PHF24: variants seen among roughly 807,000 people sequenced by gnomAD.
The protein encoded by PHF24 is PHD finger protein 24.
Under a neutral mutation model 42.6 loss-of-function variants are expected in PHF24, and 25 were observed. The observed-to-expected ratio is 0.59, with a 90% CI of 0.43 to 0.82. PHF24 has a LOEUF of 0.82. PHF24 is among the 40% of genes least tolerant of loss of function. The pLI is 0.00. For synonymous variants in PHF24, 185 were observed against 204.8 expected (o/e 0.90, Z 0.83); for missense variants, 470 against 538.1 (o/e 0.87, Z 1.25).
At chr9:34,838,386 A>C in the PHF24 span, 1 of 1,067,112 alleles carries the variant, frequency 9.4e-7, no homozygotes, top group Non-Finnish European at 1.4e-6. Context: ...AGTTCAATTC[A>C]TGGTGGCTCC....
chr9:34,831,962 C>T, the PHF24 span, among the ~76,000 whole-genome samples: 1 of 152,182 alleles, frequency 6.6e-6, no homozygotes, highest in Admixed American at 6.5e-5. Flanking sequence ...ACAAAAGCAC[C>T]TCCTCAAGGA....
rs201860472 is a variant in PHF24 at position 34,971,623 on chromosome 9, C to T, written c.325C>T (p.Arg109Trp). ...ACCCCCTGCGTTCATCCGCCCCACCCGGAAGCTGGATGATGACAAACCTCC... is the reference window on the plus strand; with the variant it reads ...ACCCCCTGCGTTCATCCGCCCCACCTGGAAGCTGGATGATGACAAACCTCC... The change falls in exon 2 of 8, where the codon CGG becomes TGG. Residue 109 changes from arginine to tryptophan, a missense_variant. Coordinates refer to ENST00000242315, the Ensembl canonical transcript of PHF24. 3.4e-4 allele frequency: 556 copies of T among 1,613,840 alleles called. 1 individual carries two copies. Among genetic ancestry groups the T allele is most frequent in the South Asian group, 6.5e-4 (59 of 91,050 alleles).
At chr9:34,977,460 G>A in intron 6 of PHF24, 86 bp from the exon 7 acceptor site, 1 of 1,390,364 alleles carries the variant, frequency 7.2e-7, no homozygotes, top group South Asian at 1.2e-5. Context: ...GGATGAGCAT[G>A]TCCAGAGCCT....
the PHF24 span, among the ~76,000 whole-genome samples, chr9:34,792,389 G>A: frequency 7.9e-5 from 12 of 152,328 alleles, no homozygotes; most frequent in South Asian, 1.2e-3. Flanking sequence ...AGAATCTCTG[G>A]GCCAGGTGCA....
the PHF24 span, among the ~76,000 whole-genome samples, chr9:34,931,284 G>C: frequency 4.0e-5 from 6 of 149,452 alleles, no homozygotes; most frequent in Admixed American, 2.0e-4. Flanking sequence ...GCTGAGGCAG[G>C]AGAATGGCAT....
chr9:34,842,345 A>T, the PHF24 span, among the ~76,000 whole-genome samples: 1 of 152,184 alleles, frequency 6.6e-6, no homozygotes, highest in Non-Finnish European at 1.5e-5. Flanking sequence ...TTCTTGGGTA[A>T]ATACCCAGGA....
upstream of PHF24, among the ~76,000 whole-genome samples, chr9:34,958,146 C>T (rs1481056467): frequency 6.8e-6 from 1 of 147,658 alleles, no homozygotes; most frequent in Non-Finnish European, 1.5e-5. This position sits in a 1 kb window ranked among gnomAD's most constrained non-coding sequence, Gnocchi z 4.5. Flanking sequence ...GCGGGGCGCG[C>T]CCACCGGCCG....
the PHF24 span, among the ~76,000 whole-genome samples, chr9:34,879,479 G>A: frequency 3.3e-5 from 5 of 152,060 alleles, no homozygotes; most frequent in South Asian, 2.1e-4. Context: ...AAGATTAGAC[G>A]AATGGCTAAC....
the PHF24 span, among the ~76,000 whole-genome samples, chr9:34,829,512 TG>T: frequency 6.6e-6 from 1 of 152,188 alleles, no homozygotes; most frequent in Non-Finnish European, 1.5e-5. Flanking sequence ...GAATGTAAGA[TG>T]TTTTTCAAAG....
chr9:34,824,677 T>A, the PHF24 span, among the ~76,000 whole-genome samples: 1 of 152,186 alleles, frequency 6.6e-6, no homozygotes, highest in Non-Finnish European at 1.5e-5. Context: ...GATTTTAAGC[T>A]TTCAAGATAG....
the PHF24 span, among the ~76,000 whole-genome samples, chr9:34,856,895 C>T: frequency 6.6e-6 from 1 of 152,226 alleles, no homozygotes; most frequent in Admixed American, 6.5e-5. Flanking sequence ...AGTGGCTGCC[C>T]CTCCCGATGG....
the PHF24 span, among the ~76,000 whole-genome samples, chr9:34,744,501 T>C: frequency 6.6e-6 from 1 of 152,112 alleles, no homozygotes; most frequent in African/African-American, 2.4e-5. Flanking sequence ...GATGAGGAGG[T>C]GAATCACCAC....
the PHF24 span, among the ~76,000 whole-genome samples, chr9:34,882,970 A>G: frequency 6.6e-6 from 1 of 152,234 alleles, no homozygotes; most frequent in Non-Finnish European, 1.5e-5. Context: ...ACTATACTAC[A>G]AGGCTACAGT....
chr9:34,674,326 T>C, the PHF24 span, among the ~76,000 whole-genome samples: 1 of 152,226 alleles, frequency 6.6e-6, no homozygotes, highest in African/African-American at 2.4e-5. Context: ...TCCATTTATT[T>C]CTCTGACCAT....
chr9:34,793,805 C>G, the PHF24 span, among the ~76,000 whole-genome samples: 2 of 151,210 alleles, frequency 1.3e-5, no homozygotes, highest in African/African-American at 4.9e-5. Context: ...AGTGTCCCAG[C>G]CCCCAAGCAA....
the PHF24 span, among the ~76,000 whole-genome samples, chr9:34,868,032 C>T: frequency 2.0e-3 from 297 of 152,218 alleles, no homozygotes; most frequent in African/African-American, 6.5e-3. Flanking sequence ...ATTGTGGTTG[C>T]GGAAACTGGC....
chr9:34,746,704 A>G, the PHF24 span, among the ~76,000 whole-genome samples: 1 of 152,354 alleles, frequency 6.6e-6, no homozygotes, highest in East Asian at 1.9e-4. Context: ...TCCTTGCTCA[A>G]TAAAGCCAAA....
chr9:34,870,109 C>T, the PHF24 span, among the ~76,000 whole-genome samples: 2 of 151,880 alleles, frequency 1.3e-5, no homozygotes, highest in Non-Finnish European at 2.9e-5. Context: ...GTGGAAAGTA[C>T]AAAAAGCTTG....
the PHF24 span, among the ~76,000 whole-genome samples, chr9:34,751,339 T>C: frequency 6.6e-6 from 1 of 152,102 alleles, no homozygotes; most frequent in Non-Finnish European, 1.5e-5. Flanking sequence ...CACTCTAGCC[T>C]GGGCAACAAG....
Sources: allele counts gnomAD v4.1 joint callset (sites outside exome capture counted in the v4.1 genomes callset), GRCh38; gene constraint gnomAD v4.1.1; non-coding constraint Gnocchi (gnomAD v3.1); transcripts MANE v1.5; gene names NCBI Gene and HGNC (gene_info 2026-07-23, HGNC 2026-07-21).